AGBL4: variants seen among roughly 807,000 people sequenced by gnomAD.
AGBL4 encodes cytosolic carboxypeptidase 6.
In AGBL4, 58 loss-of-function variants were observed where a neutral mutation model predicts 66.4. The ratio of observed to expected loss-of-function variants is 0.87; its 90% CI spans 0.71 to 1.09. The LOEUF is 1.09. Ranked by LOEUF, AGBL4 falls within the 50% of genes least tolerant of loss-of-function variation. AGBL4 has a pLI of 0.00. For missense variants in AGBL4, 579 were observed against 631.0 expected (o/e 0.92, Z 0.88); for synonymous variants, 234 against 222.9 (o/e 1.05, Z -0.44).
At chr1:49,855,005 T>G (rs1351173185) in intron 1 of AGBL4, among the ~76,000 whole-genome samples, 1 of 152,184 alleles carries the variant, frequency 6.6e-6, no homozygotes, top group Non-Finnish European at 1.5e-5. Context: ...TTTTCTCTCC[T>G]GCTGCACTGT....
intron 2 of AGBL4, among the ~76,000 whole-genome samples, chr1:49,779,282 G>A (rs140669347): frequency 6.6e-6 from 1 of 152,260 alleles, no homozygotes; most frequent in East Asian, 1.9e-4. Flanking sequence ...AATGGTTAAT[G>A]AATACCATGA....
At chr1:49,195,074 T>C (rs1017944478) in intron 4 of AGBL4, among the ~76,000 whole-genome samples, 3 of 152,056 alleles carry the variant, frequency 2.0e-5, no homozygotes, top group African/African-American at 7.2e-5. Flanking sequence ...ATTCCTAGCT[T>C]CAAGTGATCA....
chr1:49,496,724 G>A (rs944955481), intron 3 of AGBL4, among the ~76,000 whole-genome samples: 3 of 151,964 alleles, frequency 2.0e-5, no homozygotes, highest in African/African-American at 7.2e-5. Context: ...AGGCTGAATA[G>A]TATTCCATTG....
chr1:49,101,031 A>T (rs1443712329), intron 4 of AGBL4, among the ~76,000 whole-genome samples: 1 of 152,122 alleles, frequency 6.6e-6, no homozygotes, highest in Non-Finnish European at 1.5e-5. Flanking sequence ...TCCAGGGCAG[A>T]GTTTCTTATG....
At chr1:48,942,453 T>C (rs942168213) in intron 5 of AGBL4, among the ~76,000 whole-genome samples, 3 of 152,058 alleles carry the variant, frequency 2.0e-5, no homozygotes, top group Non-Finnish European at 2.9e-5. Context: ...ATCTGTTAAA[T>C]AGGATAACAA....
intron 4 of AGBL4, among the ~76,000 whole-genome samples, chr1:49,075,985 G>A (rs1244614748): frequency 2.0e-5 from 3 of 152,162 alleles, no homozygotes; most frequent in Non-Finnish European, 4.4e-5. Context: ...ATTATTCACA[G>A]AAAAATATAT....
chr1:48,917,055 A>G (rs1653643632), intron 5 of AGBL4, among the ~76,000 whole-genome samples: 1 of 152,118 alleles, frequency 6.6e-6, no homozygotes, highest in South Asian at 2.1e-4. Context: ...GGAGATGAAG[A>G]GAGGGATATT....
chr1:48,810,143 T>C (rs975211656), intron 6 of AGBL4, among the ~76,000 whole-genome samples: 4 of 152,162 alleles, frequency 2.6e-5, no homozygotes, highest in South Asian at 2.1e-4. Context: ...CTAATAAACA[T>C]GCTCTGAGAA....
chr1:49,147,610 G>A (rs1178431203), intron 4 of AGBL4, among the ~76,000 whole-genome samples: 1 of 152,116 alleles, frequency 6.6e-6, no homozygotes, highest in Non-Finnish European at 1.5e-5. Context: ...CAGGTTTCCA[G>A]TGAAAACTAT....
chr1:49,932,605 AAC>A (rs1224850592), intron 1 of AGBL4, among the ~76,000 whole-genome samples: 1 of 152,138 alleles, frequency 6.6e-6, no homozygotes, highest in Non-Finnish European at 1.5e-5. Context: ...TATCTGATAA[AAC>A]ACATATCAAG....
intron 3 of AGBL4, among the ~76,000 whole-genome samples, chr1:49,381,246 T>C (rs1313789904): frequency 2.6e-5 from 4 of 152,040 alleles, no homozygotes; most frequent in Admixed American, 2.6e-4. Flanking sequence ...CATGAAAAAA[T>C]GCTCACCATC....
At chr1:49,174,366 T>G (rs1646793395) in intron 4 of AGBL4, among the ~76,000 whole-genome samples, 1 of 152,104 alleles carries the variant, frequency 6.6e-6, no homozygotes, top group Non-Finnish European at 1.5e-5. Context: ...TGGCAAAGTT[T>G]CAAAAAATGG....
chr1:49,401,145 T>C (rs1296038397), intron 3 of AGBL4, among the ~76,000 whole-genome samples: 1 of 152,164 alleles, frequency 6.6e-6, no homozygotes, highest in Non-Finnish European at 1.5e-5. Context: ...ACGTTCCACA[T>C]GGCTGGGGAG....
intron 3 of AGBL4, among the ~76,000 whole-genome samples, chr1:49,491,371 G>A (rs1570854090): frequency 6.6e-6 from 1 of 151,726 alleles, no homozygotes; most frequent in South Asian, 2.1e-4. Flanking sequence ...CAAAGGGAGA[G>A]TACTAGGGAG....
rs1227307757 is a variant in AGBL4 at position 49,391,719 on chromosome 1, A to G, written c.283-145855T>C. Among the ~76,000 whole-genome samples, 37 of 151,440 alleles carry G rather than the reference A, an allele frequency of 2.4e-4. 1 individual carries two copies. Among genetic ancestry groups the G allele is most frequent in the Non-Finnish European group, 4.4e-5 (3 of 67,858 alleles). ...TGGGACTACAGGCACCGGCCACCAC[A>G]CCCGGCTAATTTTTTGTATTTTTAG... On this transcript the variant is annotated intron_variant, in intron 3 of 13. Coordinates refer to ENST00000371839, the MANE Select transcript of AGBL4 (RefSeq NM_032785.4).
intron 9 of AGBL4, among the ~76,000 whole-genome samples, chr1:48,629,642 T>C (rs1267086500): frequency 6.6e-6 from 1 of 150,460 alleles, no homozygotes; most frequent in East Asian, 2.0e-4. Context: ...CAGTGGGGGG[T>C]AAAATGGGGT....
chr1:48,880,855 G>C (rs974577444), intron 5 of AGBL4, among the ~76,000 whole-genome samples: 5 of 152,136 alleles, frequency 3.3e-5, no homozygotes, highest in African/African-American at 1.2e-4. Flanking sequence ...TTGTGACTTG[G>C]TGTATTCTGT....
chr1:49,522,944 C>G (rs997817968), intron 3 of AGBL4, among the ~76,000 whole-genome samples: 1 of 151,974 alleles, frequency 6.6e-6, no homozygotes, highest in African/African-American at 2.4e-5. Context: ...GTGTACCTGC[C>G]CCTTGGAAAT....
At chr1:48,600,530 C>T (rs1309042720) in intron 9 of AGBL4, among the ~76,000 whole-genome samples, 3 of 152,174 alleles carry the variant, frequency 2.0e-5, no homozygotes, top group African/African-American at 7.2e-5. Flanking sequence ...AACATGACAC[C>T]ATAAAAGCTG....
Sources: gnomAD v4.1 joint callset for allele counts (sites outside exome capture counted in the v4.1 genomes callset) on GRCh38, gnomAD v4.1.1 for gene constraint, MANE v1.5 for transcripts, NCBI Gene and HGNC (gene_info 2026-07-23, HGNC 2026-07-21) for gene names.